Variants in JMJD1C observed in about 807,000 individuals in gnomAD.
The protein encoded by JMJD1C is jumonji domain-containing protein 1C.
A neutral mutation model predicts 245.3 loss-of-function variants in JMJD1C; 31 were observed. That is an observed-to-expected ratio of 0.13 (90% CI 0.09 to 0.17). JMJD1C has a LOEUF of 0.17. JMJD1C is among the 10% of genes least tolerant of loss of function. The pLI is 1.00. For synonymous variants in JMJD1C, 1,057 were observed against 1,017.4 expected (o/e 1.04, Z -0.74); for missense variants, 2,691 against 3,000.2 (o/e 0.90, Z 2.41).
chr10:63,370,370 C>T (rs1265332315), intron 2 of JMJD1C, among the ~76,000 whole-genome samples: 3 of 152,192 alleles, frequency 2.0e-5, no homozygotes, highest in Non-Finnish European at 4.4e-5. Flanking sequence ...CACTGCAGTG[C>T]TATACTGAAG....
At chr10:63,335,903 C>G (rs1942677696) in intron 2 of JMJD1C, among the ~76,000 whole-genome samples, 1 of 151,764 alleles carries the variant, frequency 6.6e-6, no homozygotes, top group Non-Finnish European at 1.5e-5. Context: ...GACAGATCAC[C>G]TGAGGTCAGG....
At chr10:63,168,998 G>A (rs1217908771) in intron 24 of JMJD1C, among the ~76,000 whole-genome samples, 1 of 152,124 alleles carries the variant, frequency 6.6e-6, no homozygotes, top group Non-Finnish European at 1.5e-5. Flanking sequence ...TCTTACATCA[G>A]AGAATAAAGA....
intron 1 of JMJD1C, among the ~76,000 whole-genome samples, chr10:63,517,626 T>C (rs1293735539): frequency 6.6e-6 from 1 of 152,086 alleles, no homozygotes; most frequent in Non-Finnish European, 1.5e-5. Context: ...CAAAATTAAG[T>C]TCAGTACTTA....
intron 2 of JMJD1C, among the ~76,000 whole-genome samples, chr10:63,277,911 A>G (rs1265171447): frequency 6.6e-6 from 1 of 151,000 alleles, no homozygotes; most frequent in African/African-American, 2.4e-5. Context: ...TAACTTTTCT[A>G]TTTTTAGTAG....
At position 63,424,497 on chromosome 10, in the gene JMJD1C, C is replaced by CTTTTTT. The variant is rs59823871; in HGVS notation, c.168+40992_168+40997dup. On this transcript the variant is annotated intron_variant, in intron 1 of 25. Coordinates refer to ENST00000399262, the MANE Select transcript of JMJD1C (RefSeq NM_032776.3). The stretch of plus-strand genomic sequence containing the variant: ...ACTTACACAAAAACCATTATTATTT[C>CTTTTTT]TTTTTTTTTTTTTTTTTTTTTCTTT... Among the ~76,000 whole-genome samples, 73 of 103,382 alleles carry CTTTTTT rather than the reference C, an allele frequency of 7.1e-4. 1 individual carries two copies. The highest frequency in any genetic ancestry group is 9.1e-4 in the Non-Finnish European group (50 of 55,046). The allele number at this position is 103,382 out of a possible 152,430, so 67.8% of individuals were successfully genotyped here. A position where few individuals can be genotyped will look rare whatever the true frequency, so the allele number is the denominator to read the frequency against.
intron 2 of JMJD1C, among the ~76,000 whole-genome samples, chr10:63,361,672 T>C (rs577114661): frequency 7.2e-6 from 1 of 139,162 alleles, no homozygotes; most frequent in Non-Finnish European, 1.5e-5. Context: ...GAGCTGAGAC[T>C]GTGCCGCTGG....
chr10:63,403,375 G>C (rs569505008), intron 1 of JMJD1C, among the ~76,000 whole-genome samples: 1 of 152,254 alleles, frequency 6.6e-6, no homozygotes, highest in East Asian at 1.9e-4. Flanking sequence ...AATCACTTAA[G>C]GTCTTCACAT....
chr10:63,366,024 G>C (rs1300247825), intron 2 of JMJD1C, among the ~76,000 whole-genome samples: 1 of 152,182 alleles, frequency 6.6e-6, no homozygotes, highest in Non-Finnish European at 1.5e-5. Flanking sequence ...GTCTGTGCAG[G>C]AAAATGCTAC....
At chr10:63,296,453 G>A (rs190548403) in intron 2 of JMJD1C, among the ~76,000 whole-genome samples, 53 of 152,132 alleles carry the variant, frequency 3.5e-4, no homozygotes, top group African/African-American at 1.1e-3. Flanking sequence ...GGCAGTACTC[G>A]GCACTACATT....
intron 1 of JMJD1C, among the ~76,000 whole-genome samples, chr10:63,418,845 C>G (rs1242092947): frequency 6.6e-6 from 1 of 151,876 alleles, no homozygotes; most frequent in African/African-American, 2.4e-5. Context: ...TTTGGGAGGC[C>G]GAGGCAGGGG....
Position 63,465,909 on chromosome 10 carries a change from CAAAA to C in JMJD1C, c.-251_-248del, listed in dbSNP as rs1393062551. The C allele has an allele frequency of 2.5e-5, 16 of 635,022 alleles. No homozygotes were observed. Among genetic ancestry groups the C allele is most frequent in the African/African-American group, 2.3e-4 (13 of 55,526 alleles). 39.3% of individuals were successfully genotyped at this position (635,022 alleles called of 1,614,324 possible). A position where few individuals can be genotyped will look rare whatever the true frequency, so the allele number is the denominator to read the frequency against. The stretch of plus-strand genomic sequence containing the variant: ...GCAGCGCCACACAAGAAAACTGAAA[CAAAA>C]CCCAACGCGGCCGTCGAAGACCCCG... On this transcript the variant is annotated 5_prime_UTR_variant, in exon 1 of 26. Coordinates refer to ENST00000399262, the MANE Select transcript of JMJD1C (RefSeq NM_032776.3).
chr10:63,172,051 G>A (rs1490243168), intron 24 of JMJD1C, among the ~76,000 whole-genome samples: 1 of 152,200 alleles, frequency 6.6e-6, no homozygotes, highest in Non-Finnish European at 1.5e-5. Flanking sequence ...AGGAAAGGTA[G>A]CAATTCCCTT....
intron 24 of JMJD1C, among the ~76,000 whole-genome samples, chr10:63,170,771 G>C (rs1257234745): frequency 6.6e-6 from 1 of 152,116 alleles, no homozygotes; most frequent in African/African-American, 2.4e-5. Flanking sequence ...TTGGATAAAG[G>C]CTTGAGGGTT....
intron 2 of JMJD1C, chr10:63,269,043 C>A (rs1855972579): frequency 3.0e-6 from 3 of 985,336 alleles, no homozygotes; most frequent in Non-Finnish European, 3.6e-6. Context: ...TGAAGCACTA[C>A]TGCATCCTCC....
chr10:63,436,175 A>G (rs1370300796), intron 1 of JMJD1C, among the ~76,000 whole-genome samples: 10 of 152,212 alleles, frequency 6.6e-5, no homozygotes, highest in African/African-American at 2.4e-4. Context: ...TTAAAAATGC[A>G]TATTTAAGTA....
chr10:63,520,506 A>AC (rs1491289294), intron 1 of JMJD1C, among the ~76,000 whole-genome samples: 2 of 55,508 alleles, frequency 3.6e-5, no homozygotes, highest in Non-Finnish European at 1.0e-4. Flanking sequence ...GTACTGTCAC[A>AC]AAAAAAAAAA....
In JMJD1C at chr10:63,370,573, TC is replaced by T. The variant is rs1169589683; in HGVS notation, c.333+9744del. On this transcript the variant is annotated intron_variant, in intron 2 of 25. Transcript: ENST00000399262. The stretch of plus-strand genomic sequence containing the variant: ...CTACCTTCCTTGATAACTGCTATTT[TC>T]CCCCCAATTCTAACGTTCAAGCCAT... Among the ~76,000 whole-genome samples, 5 of 152,116 alleles carry T rather than the reference TC, an allele frequency of 3.3e-5. No homozygotes were observed. The East Asian group carries it at 9.7e-4, about 29-fold the overall frequency.
chr10:63,299,204 CAG>C (rs1353831616), intron 2 of JMJD1C, among the ~76,000 whole-genome samples: 2 of 152,044 alleles, frequency 1.3e-5, no homozygotes, highest in South Asian at 2.1e-4. Context: ...TTTTTTGAGA[CAG>C]AGTCTTGCTC....
intron 3 of JMJD1C, among the ~76,000 whole-genome samples, chr10:63,248,236 G>C (rs139350069): frequency 2.4e-4 from 36 of 152,230 alleles, no homozygotes; most frequent in African/African-American, 8.4e-4. Context: ...GCCGAGGCAG[G>C]TGGATCACAA....
Sources: gnomAD v4.1 joint callset for allele counts (sites outside exome capture counted in the v4.1 genomes callset) on GRCh38, gnomAD v4.1.1 for gene constraint, MANE v1.5 for transcripts, NCBI Gene and HGNC (gene_info 2026-07-23, HGNC 2026-07-21) for gene names.